MYZAP: variants seen among roughly 807,000 people sequenced by gnomAD.
The protein encoded by MYZAP is myocardial zonula adherens protein.
Under a neutral mutation model 69.4 loss-of-function variants are expected in MYZAP, and 66 were observed. The ratio of observed to expected loss-of-function variants is 0.95; its 90% CI spans 0.78 to 1.17. MYZAP has a LOEUF of 1.17. Ranked by LOEUF, MYZAP falls within the 50% of genes most tolerant of loss-of-function variation. MYZAP has a pLI of 0.00. For missense variants in MYZAP, 611 were observed against 556.2 expected (o/e 1.10, Z -0.99); for synonymous variants, 256 against 205.9 (o/e 1.24, Z -2.09).
chr15:57,635,277 G>T (rs778934912), intron 8 of MYZAP, among the ~76,000 whole-genome samples: 1 of 152,208 alleles, frequency 6.6e-6, no homozygotes, highest in Non-Finnish European at 1.5e-5. Context: ...CACGCCAAGT[G>T]CTAAGCATGG....
At position 57,630,278 on chromosome 15, in the gene MYZAP, C is replaced by T. The variant is rs140823028; in HGVS notation, c.678+424C>T. 6.5e-3 allele frequency among the ~76,000 whole-genome samples: 989 copies of T among 152,256 alleles called. 6 individuals carry two copies. Among genetic ancestry groups the T allele is most frequent in the South Asian group, 0.017 (81 of 4,832 alleles). ...CCACCGTGCTTGGCCCAGTTTGGGG[C>T]TTCTCCATAAATGCCCCCATTGGGC... On this transcript the variant is annotated intron_variant, in intron 6 of 12. Transcript: ENST00000267853.
intron 10 of MYZAP, chr15:57,647,117 A>C: frequency 1.0e-6 from 1 of 985,420 alleles, no homozygotes; most frequent in Non-Finnish European, 1.2e-6. Context: ...TCACTCCTTC[A>C]TGGCAAAGCA....
rs2035691411 is a variant in MYZAP, at chr15:57,619,662, AT to A, written c.318+1479del. On this transcript the variant is annotated intron_variant, in intron 3 of 12. Transcript: ENST00000267853. ...TCACTGTGCCCGGCCTCCAGACATA[AT>A]TTTTAACCATTCAGAATATTCAATT... Among the ~76,000 whole-genome samples the A allele has an allele frequency of 2.0e-5, 3 of 152,324 alleles. No individual in the cohort carries two copies. The South Asian group carries it at 6.2e-4, about 32-fold the overall frequency.
chr15:57,670,245 G>T (rs1212847408), intron 11 of MYZAP, among the ~76,000 whole-genome samples: 1 of 151,786 alleles, frequency 6.6e-6, no homozygotes, highest in Non-Finnish European at 1.5e-5. Context: ...CTCTTTCTTT[G>T]TTTTTACTTT....
chr15:57,629,914 TTTCTC>T (rs1309878883), intron 6 of MYZAP, 60 bp downstream of exon 6: 17 of 1,563,708 alleles, frequency 1.1e-5, no homozygotes, highest in Non-Finnish European at 1.3e-5. Context: ...ACTTCTCCCT[TTTCTC>T]TTCCCATCTT....
Position 57,655,134 on chromosome 15 carries a change from G to A in MYZAP, c.1120-6316G>A, listed in dbSNP as rs182131077. 2.2e-4 allele frequency among the ~76,000 whole-genome samples: 33 copies of A among 152,234 alleles called. No homozygotes were observed. In the East Asian group the frequency reaches 5.6e-3, roughly 26 times the overall value. On this transcript the variant is annotated intron_variant, in intron 10 of 12. Coordinates refer to ENST00000267853, the MANE Select transcript of MYZAP (RefSeq NM_001018100.5). ...TATCACAGAGAAGGGGGACACAAAGGCAGCCTGGAGGACTTGGAAAGCGCT... is the reference window on the plus strand; with the variant it reads ...TATCACAGAGAAGGGGGACACAAAGACAGCCTGGAGGACTTGGAAAGCGCT...
At chr15:57,608,248 G>C (rs1479028663) in intron 2 of MYZAP, among the ~76,000 whole-genome samples, 2 of 152,204 alleles carry the variant, frequency 1.3e-5, no homozygotes, top group African/African-American at 4.8e-5. Flanking sequence ...ATGCCACGAT[G>C]CCATGGGACA....
chr15:57,648,475 A>G lies in MYZAP; in HGVS notation c.1119+8930A>G, dbSNP rs530171349. The G allele has an allele frequency of 1.2e-5, 12 of 985,184 alleles. No homozygotes were observed. The African/African-American group carries it at 1.4e-4, about 11-fold the overall frequency. 61.0% of individuals were successfully genotyped at this position (985,184 alleles called of 1,614,324 possible). A position where few individuals can be genotyped will look rare whatever the true frequency, so the allele number is the denominator to read the frequency against. ...CGAATGCTTCTCTCATTCCAAGGCT[A>G]TGCATATGGATGTCACATTCCCATG... On this transcript the variant is annotated intron_variant, in intron 10 of 12. Transcript: ENST00000267853.
At chr15:57,638,363 A>G (rs2036938949) in intron 9 of MYZAP, among the ~76,000 whole-genome samples, 1 of 152,144 alleles carries the variant, frequency 6.6e-6, no homozygotes, top group Non-Finnish European at 1.5e-5. Flanking sequence ...CCACATGGAA[A>G]TTCATCTTTA....
intron 10 of MYZAP, among the ~76,000 whole-genome samples, chr15:57,641,744 A>T (rs1419879855): frequency 2.6e-5 from 4 of 152,250 alleles, no homozygotes. Context: ...ATACTACATT[A>T]ACTTACATAA....
At chr15:57,642,111 C>G (rs16977632) in intron 10 of MYZAP, among the ~76,000 whole-genome samples, 6,449 of 152,312 alleles carry the variant, frequency 0.042, 184 homozygotes, top group African/African-American at 0.072. Context: ...AGGCATTTAG[C>G]TCTTCATCAT....
intron 2 of MYZAP, among the ~76,000 whole-genome samples, 155 bp from the exon 3 acceptor site, chr15:57,617,878 G>A (rs1181822168): frequency 6.6e-6 from 1 of 152,212 alleles, no homozygotes; most frequent in Non-Finnish European, 1.5e-5. Context: ...TTGGTGAACA[G>A]AGACTAGATG....
At chr15:57,634,695 T>C (rs1424602503) in intron 8 of MYZAP, among the ~76,000 whole-genome samples, 1 of 152,260 alleles carries the variant, frequency 6.6e-6, no homozygotes, top group East Asian at 1.9e-4. Context: ...TTCAGTTCTG[T>C]GGAGCTTCAG....
At chr15:57,658,579 T>C (rs1180674596) in intron 10 of MYZAP, among the ~76,000 whole-genome samples, 1 of 152,206 alleles carries the variant, frequency 6.6e-6, no homozygotes, top group Admixed American at 6.5e-5. Flanking sequence ...ATGTTCACAT[T>C]CTGGATTCGA....
chr15:57,670,062 T>C, intron 11 of MYZAP, among the ~76,000 whole-genome samples: 1 of 152,160 alleles, frequency 6.6e-6, no homozygotes, highest in Non-Finnish European at 1.5e-5. Context: ...TTCAATTAAA[T>C]TTTTGTGAAA....
chr15:57,632,145 ATTGCGTAGAGAAATAAG>A, intron 6 of MYZAP, among the ~76,000 whole-genome samples: 1 of 152,316 alleles, frequency 6.6e-6, no homozygotes, highest in East Asian at 1.9e-4. Flanking sequence ...AACTGATGAG[ATTGCGTAGAGAAATAAG>A]TTTCTACCTT....
At chr15:57,669,581 A>G (rs1167725088) in intron 11 of MYZAP, among the ~76,000 whole-genome samples, 1 of 152,194 alleles carries the variant, frequency 6.6e-6, no homozygotes, top group Non-Finnish European at 1.5e-5. Flanking sequence ...AAAAATAATT[A>G]AAATAGCTTT....
chr15:57,680,571 T>G (rs2039384506), intron 12 of MYZAP: 2 of 152,224 alleles, frequency 1.3e-5, no homozygotes, highest in South Asian at 4.2e-4. Flanking sequence ...CTTTGATATA[T>G]GTTAATTAAA....
chr15:57,600,731 C>G (rs551740338), intron 1 of MYZAP, among the ~76,000 whole-genome samples: 1 of 152,276 alleles, frequency 6.6e-6, no homozygotes, highest in Non-Finnish European at 1.5e-5. Context: ...GACTGTGAGG[C>G]TAAGCAGGTC....
Sources: allele counts gnomAD v4.1 joint callset (sites outside exome capture counted in the v4.1 genomes callset), GRCh38; gene constraint gnomAD v4.1.1; transcripts MANE v1.5; gene names NCBI Gene and HGNC (gene_info 2026-07-23, HGNC 2026-07-21).